Variants in TRHDE observed in about 807,000 individuals in gnomAD.
TRHDE encodes the protein thyrotropin releasing hormone degrading enzyme.
A neutral mutation model predicts 125.7 loss-of-function variants in TRHDE; 72 were observed. That is an observed-to-expected ratio of 0.57 (90% CI 0.47 to 0.70). The LOEUF (loss-of-function observed/expected upper bound fraction) is 0.70. TRHDE is among the 30% of genes least tolerant of loss of function. The pLI is 0.00. For synonymous variants in TRHDE, 509 were observed against 509.1 expected (o/e 1.00, Z 0.00); for missense variants, 1,110 against 1,327.1 (o/e 0.84, Z 2.54).
intron 2 of TRHDE, among the ~76,000 whole-genome samples, chr12:72,234,636 A>G (rs548150012): frequency 2.3e-4 from 35 of 152,172 alleles, no homozygotes; most frequent in Non-Finnish European, 4.0e-4. Flanking sequence ...ATAATGATAA[A>G]TCAGAACAAA....
intron 3 of TRHDE, among the ~76,000 whole-genome samples, chr12:72,433,469 T>C (rs1353985458): frequency 6.6e-6 from 1 of 152,064 alleles, no homozygotes; most frequent in Non-Finnish European, 1.5e-5. Flanking sequence ...ACAGGAGCAG[T>C]AGCCTTTAGT....
chr12:72,304,168 A>G (rs568637351), intron 2 of TRHDE, among the ~76,000 whole-genome samples: 1 of 152,242 alleles, frequency 6.6e-6, no homozygotes, highest in East Asian at 1.9e-4. Flanking sequence ...CAAGTAATCT[A>G]TTAGTTACAG....
chr12:72,522,194 G>T (rs933725823), intron 6 of TRHDE, among the ~76,000 whole-genome samples: 3 of 152,114 alleles, frequency 2.0e-5, no homozygotes, highest in African/African-American at 7.2e-5. Context: ...TTCTGTCTGT[G>T]CTCTTAGTCA....
Position 72,619,058 on chromosome 12 carries a change from CT to C in TRHDE, c.2469+23del. 6.6e-7 allele frequency: 1 copy of C among 1,509,388 alleles called. No individual in the cohort carries two copies. Among genetic ancestry groups the C allele is most frequent in the Non-Finnish European group, 8.9e-7 (1 of 1,127,672 alleles). The allele number at this position is 1,509,388 out of a possible 1,614,324, so 93.5% of individuals were successfully genotyped here. ...TTCAATGTAAAAAGATATAATTTTT[CT>C]TTCTAATTTTTAGAAGATACACTAT... On this transcript the variant is annotated intron_variant, in intron 13 of 18. Transcript: ENST00000261180.
At chr12:72,221,704 G>C (rs879583091) in intron 2 of TRHDE, among the ~76,000 whole-genome samples, 2 of 152,084 alleles carry the variant, frequency 1.3e-5, no homozygotes, top group African/African-American at 2.4e-5. Context: ...TTTCATATAT[G>C]ACATTAGGAT....
At chr12:72,481,885 C>A (rs1352343984) in intron 5 of TRHDE, among the ~76,000 whole-genome samples, 1 of 151,918 alleles carries the variant, frequency 6.6e-6, no homozygotes, top group African/African-American at 2.4e-5. Flanking sequence ...CCCCTTAGCA[C>A]CCACTTCAAA....
At chr12:72,540,441 C>T (rs765164567) in intron 6 of TRHDE, among the ~76,000 whole-genome samples, 2 of 151,638 alleles carry the variant, frequency 1.3e-5, no homozygotes, top group South Asian at 4.2e-4. Context: ...TGTCATTAGA[C>T]CATGCTAGAT....
At chr12:72,580,595 C>T (rs1021242619) in intron 12 of TRHDE, among the ~76,000 whole-genome samples, 5 of 152,168 alleles carry the variant, frequency 3.3e-5, no homozygotes, top group African/African-American at 9.7e-5. Flanking sequence ...GCACCCACCA[C>T]CATACCTAGC....
chr12:72,216,406 G>A (rs186874124), intron 2 of TRHDE, among the ~76,000 whole-genome samples: 17 of 152,222 alleles, frequency 1.1e-4, no homozygotes, highest in Middle Eastern at 3.4e-3. Flanking sequence ...CAGAAGTCTT[G>A]TGACTTAGCC....
chr12:72,369,804 A>G (rs887092021), intron 2 of TRHDE, among the ~76,000 whole-genome samples: 3 of 152,162 alleles, frequency 2.0e-5, no homozygotes, highest in African/African-American at 7.2e-5. Context: ...AGAGGAAGAG[A>G]TAAAGCCTAG....
chr12:72,135,306 G>C (rs1875959381), intron 2 of TRHDE, among the ~76,000 whole-genome samples: 1 of 152,092 alleles, frequency 6.6e-6, no homozygotes, highest in Non-Finnish European at 1.5e-5. Flanking sequence ...CAATCTTTTT[G>C]TTTGAAGTAC....
chr12:72,169,965 A>G (rs913784476), intron 2 of TRHDE, among the ~76,000 whole-genome samples: 2 of 152,142 alleles, frequency 1.3e-5, no homozygotes, highest in African/African-American at 4.8e-5. Context: ...GAGAATCACA[A>G]TGTTATACCA....
intron 2 of TRHDE, among the ~76,000 whole-genome samples, chr12:72,225,990 G>T (rs1878121079): frequency 6.6e-6 from 1 of 152,202 alleles, no homozygotes; most frequent in African/African-American, 2.4e-5. Context: ...ATTTGTCTAG[G>T]TGTCAGCAAG....
intron 12 of TRHDE, chr12:72,582,553 G>C (rs1364278113): frequency 1.3e-5 from 13 of 985,138 alleles, no homozygotes; most frequent in Non-Finnish European, 1.4e-5. Context: ...TTCACTTATT[G>C]CAGTAAATAG....
At chr12:72,274,859 G>T (rs1428781234) in intron 1 of TRHDE, 1 of 152,244 alleles carries the variant, frequency 6.6e-6, no homozygotes, top group Non-Finnish European at 1.5e-5. Flanking sequence ...ATAAATGCTA[G>T]CTCTCATGAG....
chr12:72,206,524 C>T (rs1390326984), intron 2 of TRHDE, among the ~76,000 whole-genome samples: 2 of 152,104 alleles, frequency 1.3e-5, no homozygotes, highest in Non-Finnish European at 2.9e-5. Flanking sequence ...GTGTTCAATG[C>T]ATATTTATAT....
intron 6 of TRHDE, among the ~76,000 whole-genome samples, chr12:72,526,603 T>C (rs552044876): frequency 4.6e-5 from 7 of 152,290 alleles, no homozygotes; most frequent in Admixed American, 1.3e-4. Context: ...AAACAAATTT[T>C]CTCTGGCAAC....
intron 2 of TRHDE, chr12:72,256,857 G>T (rs921770728): frequency 6.6e-6 from 1 of 152,206 alleles, no homozygotes; most frequent in African/African-American, 2.4e-5. Flanking sequence ...TCAGCACAGA[G>T]ATGAAGCTTA....
At chr12:72,578,072 T>G (rs1871077819) in intron 12 of TRHDE, among the ~76,000 whole-genome samples, 2 of 152,188 alleles carry the variant, frequency 1.3e-5, no homozygotes, top group Admixed American at 6.6e-5. Flanking sequence ...TATATCAACC[T>G]TCTCTCAATC....
Sources: gnomAD v4.1 joint callset for allele counts (sites outside exome capture counted in the v4.1 genomes callset) on GRCh38, gnomAD v4.1.1 for gene constraint, MANE v1.5 for transcripts, NCBI Gene and HGNC (gene_info 2026-07-23, HGNC 2026-07-21) for gene names.